The following TRAF7 variants were observed in gnomAD, a reference collection of about 807,000 sequenced individuals.
TRAF7 encodes E3 ubiquitin-protein ligase TRAF7.
Under a neutral mutation model 89.3 loss-of-function variants are expected in TRAF7, and 45 were observed. The ratio of observed to expected loss-of-function variants is 0.50; its 90% CI spans 0.40 to 0.65. TRAF7 has a LOEUF of 0.65. TRAF7 is among the 30% of genes least tolerant of loss of function. The pLI, the probability that TRAF7 is intolerant of heterozygous loss-of-function variation, is 0.00. For synonymous variants in TRAF7, 406 were observed against 369.2 expected, an observed-to-expected ratio of 1.10 and a Z score of -1.14; for missense variants, 677 against 918.1, an observed-to-expected ratio of 0.74 and a Z score of 3.39.
chr16:2,166,021 C>T, intron 3 of TRAF7, 85 bp downstream of exon 3: 1 of 1,543,646 alleles, frequency 6.5e-7, no homozygotes, highest in Non-Finnish European at 8.9e-7. Flanking sequence ...AGGGACACTT[C>T]CCGGTGAGCT....
chr16:2,165,628 G>T (rs375214197), intron 2 of TRAF7, among the ~76,000 whole-genome samples: 1 of 141,232 alleles, frequency 7.1e-6, no homozygotes, highest in Non-Finnish European at 1.5e-5. Flanking sequence ...CAGCCTGGTC[G>T]CATGGTTAAG....
At chr16:2,157,056 C>T (rs757854494) in intron 1 of TRAF7, among the ~76,000 whole-genome samples, 31 of 152,066 alleles carry the variant, frequency 2.0e-4, no homozygotes, top group Non-Finnish European at 7.4e-5. Flanking sequence ...TTTCATGCCG[C>T]CCAGCCTGTC....
intron 5 of TRAF7, 84 bp from the exon 6 acceptor site, chr16:2,171,179 TG>T: frequency 1.7e-6 from 2 of 1,146,898 alleles, no homozygotes; most frequent in Non-Finnish European, 2.5e-6. Context: ...CAGCCAGGCC[TG>T]GAGCAAGAGC....
chr16:2,173,859 T>TGGGGGGCGCCCCCCCCC, intron 12 of TRAF7, 23 bp downstream of exon 12: 1 of 1,246,252 alleles, frequency 8.0e-7, no homozygotes, highest in Non-Finnish European at 1.1e-6. Flanking sequence ...CCGCCGTGGC[T>TGGGGGGCGCCCCCCCCC]CCCGCCCACC....
rs1596682899 is a variant in TRAF7, at chr16:2,177,911, C to A, written c.*1337C>A. 4.2e-5 allele frequency: 14 copies of A among 333,656 alleles called. No homozygotes were observed. The South Asian group carries it at 4.6e-4, about 11-fold the overall frequency. 20.7% of individuals were successfully genotyped at this position (333,656 alleles called of 1,614,324 possible). The stretch of plus-strand genomic sequence containing the variant: ...CACCTGTGCTAGCAGCCTGGGGCCT[C>A]CACTCTGGCCGGAGGAAGGACCGCA... On this transcript the variant is annotated 3_prime_UTR_variant, in exon 21 of 21. Coordinates refer to ENST00000326181, the MANE Select transcript of TRAF7 (RefSeq NM_032271.3).
At position 2,177,215 on chromosome 16, in the gene TRAF7, C is replaced by T. The variant is rs142263447; in HGVS notation, c.*641C>T. On this transcript the variant is annotated 3_prime_UTR_variant, in exon 21 of 21. Transcript: ENST00000326181. ...GCTGTTTATTGACAGCCGACGGCAG[C>T]GCCTTGCCCAGACCTCCCCTGCCCA... The T allele has an allele frequency of 1.2e-3, 281 of 243,898 alleles. 1 individual carries two copies. The East Asian group carries it at 0.013, about 11-fold the overall frequency. 15.1% of individuals were successfully genotyped at this position (243,898 alleles called of 1,614,324 possible).
chr16:2,164,159 T>TGTGTGTGTGTGTGTGTGTGC (rs879079517), intron 2 of TRAF7, among the ~76,000 whole-genome samples, 158 bp downstream of exon 2: 4 of 126,136 alleles, frequency 3.2e-5, no homozygotes, highest in Admixed American at 3.1e-4. Context: ...TGTGTGTGTG[T>TGTGTGTGTGTGTGTGTGTGC]GCGCGCGCGC....
Position 2,176,746 on chromosome 16 carries a change from C to T in TRAF7, c.*172C>T. Reference sequence around the variant, plus strand: ...CCCATGCTCGGCGAGCCTCCCTCTACTCGGCACTGTCCTTGCTGCCCAGCC... The same window carrying T: ...CCCATGCTCGGCGAGCCTCCCTCTATTCGGCACTGTCCTTGCTGCCCAGCC... On this transcript the variant is annotated 3_prime_UTR_variant, in exon 21 of 21. Transcript: ENST00000326181. 1 of 945,944 alleles carries T rather than the reference C, an allele frequency of 1.1e-6. No individual in the cohort carries two copies. The highest frequency in any genetic ancestry group is 1.6e-6 in the Non-Finnish European group (1 of 615,026). The allele number at this position is 945,944 out of a possible 1,614,324, so 58.6% of individuals were successfully genotyped here.
chr16:2,172,314 C>A lies in TRAF7; in HGVS notation c.599C>A (p.Pro200His). The change falls in exon 8 of 21, where the codon CCC becomes CAC. Residue 200 changes from proline to histidine, a missense_variant. Coordinates refer to ENST00000326181, the MANE Select transcript of TRAF7 (RefSeq NM_032271.3). Reference sequence around the variant, plus strand: ...TGCCGGGTAGCGGGCAGCGGGAAGCCCCCCATCTTTGAGGTGGACCCCCGA... The same window carrying A: ...TGCCGGGTAGCGGGCAGCGGGAAGCACCCCATCTTTGAGGTGGACCCCCGA... ...HGCRVAGSGKPPIFEVDPRGC... is the reference protein window; with the variant it reads ...HGCRVAGSGKHPIFEVDPRGC... 6.2e-7 allele frequency: 1 copy of A among 1,612,652 alleles called. No homozygotes were observed.
rs1258122542 is a variant in TRAF7, at chr16:2,177,518, GGA to G, written c.*950_*951del. The G allele has an allele frequency of 4.3e-6, 1 of 234,202 alleles. No homozygotes were observed. The highest frequency in any genetic ancestry group is 8.4e-6 in the Non-Finnish European group (1 of 118,752). 14.5% of individuals were successfully genotyped at this position (234,202 alleles called of 1,614,324 possible). On this transcript the variant is annotated 3_prime_UTR_variant, in exon 21 of 21. Coordinates refer to ENST00000326181, the MANE Select transcript of TRAF7 (RefSeq NM_032271.3). The stretch of plus-strand genomic sequence containing the variant: ...TCAGTACTTCTTGGAGGGGGCAGGA[GGA>G]GAGAGGAAAAGGGAGGGCGAGAATG...
chr16:2,176,459 C>G, intron 20 of TRAF7, 75 bp downstream of exon 20: 1 of 1,612,810 alleles, frequency 6.2e-7, no homozygotes, highest in Non-Finnish European at 8.5e-7. Flanking sequence ...GAGCTGGCAG[C>G]CCCAGCACAA....
In TRAF7 at chr16:2,158,389, G is replaced by C. The variant is rs1410610598; in HGVS notation, c.-39+2531G>C. ...AAGCGGGCACTGGAGGCTGGGGCTG[G>C]TCACGTGTAGACCCGGACACCCTCA... On this transcript the variant is annotated intron_variant, in intron 1 of 20. Coordinates refer to ENST00000326181, the MANE Select transcript of TRAF7 (RefSeq NM_032271.3). This position sits in a 1 kb window ranked among gnomAD's most constrained non-coding sequence, Gnocchi z 4.7. 6.6e-6 allele frequency among the ~76,000 whole-genome samples: 1 copy of C among 152,216 alleles called. No individual in the cohort carries two copies. The highest frequency in any genetic ancestry group is 1.5e-5 in the Non-Finnish European group (1 of 68,024).
At chr16:2,167,465 C>T (rs1028807855) in intron 3 of TRAF7, among the ~76,000 whole-genome samples, 1 of 152,070 alleles carries the variant, frequency 6.6e-6, no homozygotes, top group African/African-American at 2.4e-5. Context: ...GCTGGGGTGA[C>T]GTGTGGGCAG....
chr16:2,164,495 T>C (rs1344315890), intron 2 of TRAF7, among the ~76,000 whole-genome samples: 6 of 139,252 alleles, frequency 4.3e-5, no homozygotes, highest in Non-Finnish European at 9.2e-5. Flanking sequence ...GTTAAGCGTG[T>C]GAGTGCTACG....
At position 2,163,098 on chromosome 16, in the gene TRAF7, G is replaced by A. The variant is rs908527222; in HGVS notation, c.-38-785G>A. ...TTCCCCTACTGGTGTCCCTGGGCCT[G>A]GCCAGCACTCCCAGCACCCACGGAG... On this transcript the variant is annotated intron_variant, in intron 1 of 20. Transcript: ENST00000326181. This position sits in a 1 kb window ranked among gnomAD's most constrained non-coding sequence, Gnocchi z 4.3. 6.6e-6 allele frequency among the ~76,000 whole-genome samples: 1 copy of A among 152,078 alleles called. No individual in the cohort carries two copies. Among genetic ancestry groups the A allele is most frequent in the African/African-American group, 2.4e-5 (1 of 41,406 alleles).
chr16:2,167,305 C>T (rs1270975879), intron 3 of TRAF7, among the ~76,000 whole-genome samples: 1 of 152,206 alleles, frequency 6.6e-6, no homozygotes, highest in Non-Finnish European at 1.5e-5. Context: ...AACCGAGGCC[C>T]AGTCACACGG....
Position 2,177,423 on chromosome 16 carries a change from A to ATT in TRAF7, c.*858_*859dup. On this transcript the variant is annotated 3_prime_UTR_variant, in exon 21 of 21. Coordinates refer to ENST00000326181, the MANE Select transcript of TRAF7 (RefSeq NM_032271.3). The stretch of plus-strand genomic sequence containing the variant: ...ATCGCTGGTTTTCGGCATTTTTTAA[A>ATT]TTTTTTTTTTAAGAAACGTCAAAGT... 1 of 224,840 alleles carries ATT rather than the reference A, an allele frequency of 4.4e-6. No homozygotes were observed. The highest frequency in any genetic ancestry group is 8.9e-6 in the Non-Finnish European group (1 of 112,958). The allele number at this position is 224,840 out of a possible 1,614,324, so 13.9% of individuals were successfully genotyped here.
At position 2,173,805 on chromosome 16, in the gene TRAF7, C is replaced by T. The variant is rs1427496504; in HGVS notation, c.1104C>T (p.Ile368=). 6.2e-7 allele frequency: 1 copy of T among 1,610,730 alleles called. No homozygotes were observed. Among genetic ancestry groups the T allele is most frequent in the Non-Finnish European group, 8.5e-7 (1 of 1,179,838 alleles). Residue 368 remains isoleucine, a synonymous_variant, in exon 12 of 21, where the codon ATC becomes ATT. Coordinates refer to ENST00000326181, the MANE Select transcript of TRAF7 (RefSeq NM_032271.3). ...ASMLNDELSH[I]NARLNMGILG... ...CCCTGCAGGACGAGCTGTCCCACAT[C>T]AACGCGCGGCTGAACATGGGCATCC...
intron 9 of TRAF7, among the ~76,000 whole-genome samples, chr16:2,172,887 A>G (rs1250586194): frequency 6.6e-6 from 1 of 151,618 alleles, no homozygotes; most frequent in Admixed American, 6.6e-5. Context: ...GAGAGGCAGG[A>G]GCCCAGTTCT....
Sources: allele counts gnomAD v4.1 joint callset (sites outside exome capture counted in the v4.1 genomes callset), GRCh38; gene constraint gnomAD v4.1.1; non-coding constraint Gnocchi (gnomAD v3.1); transcripts MANE v1.5; gene names NCBI Gene and HGNC (gene_info 2026-07-23, HGNC 2026-07-21).